GRM8: variants seen among roughly 807,000 people sequenced by gnomAD.
The protein encoded by GRM8 is glutamate metabotropic receptor 8.
Under a neutral mutation model 87.2 loss-of-function variants are expected in GRM8, and 47 were observed. The ratio of observed to expected loss-of-function variants is 0.54; its 90% CI spans 0.43 to 0.69. The LOEUF is 0.69. GRM8 is among the 30% of genes least tolerant of loss of function. GRM8 has a pLI of 0.00. For missense variants in GRM8, 1,019 were observed against 1,139.2 expected, an observed-to-expected ratio of 0.89 and a Z score of 1.52; for synonymous variants, 396 against 404.5, an observed-to-expected ratio of 0.98 and a Z score of 0.25.
intron 7 of GRM8, among the ~76,000 whole-genome samples, chr7:126,618,107 C>T (rs1180843629): frequency 9.2e-5 from 14 of 152,250 alleles, no homozygotes; most frequent in South Asian, 4.2e-4. Flanking sequence ...GGAGGCATCA[C>T]GCTACCTGAC....
rs145569824 is a variant in GRM8, at chr7:126,602,728, T to G, written c.1494+6634A>C. Among the ~76,000 whole-genome samples, 27 of 152,038 alleles carry G rather than the reference T, an allele frequency of 1.8e-4. No homozygotes were observed. In the East Asian group the frequency reaches 5.2e-3, roughly 29 times the overall value. On this transcript the variant is annotated intron_variant, in intron 8 of 10. Coordinates refer to ENST00000339582, the MANE Select transcript of GRM8 (RefSeq NM_000845.3). Reference sequence around the variant, plus strand: ...TGGGAGTTCACTCATGATTTGGCTCTCTGTTTGTCTGTTGATAGTTTACCA... The same window carrying G: ...TGGGAGTTCACTCATGATTTGGCTCGCTGTTTGTCTGTTGATAGTTTACCA...
chr7:126,760,459 TCG>T (rs1452317612), intron 7 of GRM8, among the ~76,000 whole-genome samples: 4 of 152,140 alleles, frequency 2.6e-5, no homozygotes, highest in African/African-American at 9.7e-5. Flanking sequence ...AACACCTCAC[TCG>T]GTTAGAAAAC....
intron 2 of GRM8, among the ~76,000 whole-genome samples, chr7:127,220,058 C>A (rs900047848): frequency 1.3e-5 from 2 of 152,198 alleles, no homozygotes; most frequent in African/African-American, 2.4e-5. Flanking sequence ...AGAAACTGAG[C>A]AAAACATTGA....
rs75893698 is a variant in GRM8 at position 126,622,001 on chromosome 7, C to T, written c.1358-12503G>A. Among the ~76,000 whole-genome samples the T allele has an allele frequency of 5.1e-4, 78 of 152,226 alleles. 2 individuals carry two copies. The East Asian group carries it at 0.013, about 25-fold the overall frequency. ...CTAGGGAATACCCTCTATTCTCTTG[C>T]GCTTCTCTCTGTCCAGTGAATTGCT... On this transcript the variant is annotated intron_variant, in intron 7 of 10. Coordinates refer to ENST00000339582, the MANE Select transcript of GRM8 (RefSeq NM_000845.3).
chr7:126,981,458 T>C (rs898612916), intron 3 of GRM8: 1 of 152,222 alleles, frequency 6.6e-6, no homozygotes, highest in African/African-American at 2.4e-5. Flanking sequence ...GTGGACACTC[T>C]CTACAGTCCT....
At chr7:126,586,669 C>T (rs1292972571) in intron 8 of GRM8, among the ~76,000 whole-genome samples, 1 of 152,104 alleles carries the variant, frequency 6.6e-6, no homozygotes, top group East Asian at 1.9e-4. Flanking sequence ...ATACCTTATA[C>T]AAAAATTAAA....
rs563244381 is a variant in GRM8, at chr7:126,805,564, A to T, written c.1157-35499T>A. Reference sequence around the variant, plus strand: ...CTGTTTCTGTCCCTAGGTTTCAATCAGGTGCAGTACCCATGGATACCTCTT... The same window carrying T: ...CTGTTTCTGTCCCTAGGTTTCAATCTGGTGCAGTACCCATGGATACCTCTT... On this transcript the variant is annotated intron_variant, in intron 6 of 10. Coordinates refer to ENST00000339582, the MANE Select transcript of GRM8 (RefSeq NM_000845.3). Among the ~76,000 whole-genome samples the T allele has an allele frequency of 3.9e-5, 6 of 152,274 alleles. No homozygotes were observed. The East Asian group carries it at 1.2e-3, about 29-fold the overall frequency.
In GRM8 at chr7:127,171,884, T is replaced by C. The variant is rs557546615; in HGVS notation, c.511-65172A>G. 4.6e-5 allele frequency among the ~76,000 whole-genome samples: 7 copies of C among 152,310 alleles called. No homozygotes were observed. The East Asian group carries it at 1.4e-3, about 29-fold the overall frequency. ...AGCTGACTCCAGACACATGCAGTCTTGGACACACACATATGTGTTCCATAA... is the reference window on the plus strand; with the variant it reads ...AGCTGACTCCAGACACATGCAGTCTCGGACACACACATATGTGTTCCATAA... On this transcript the variant is annotated intron_variant, in intron 2 of 10. Coordinates refer to ENST00000339582, the MANE Select transcript of GRM8 (RefSeq NM_000845.3).
chr7:126,802,570 T>G (rs1028190386), intron 6 of GRM8, among the ~76,000 whole-genome samples: 1 of 152,118 alleles, frequency 6.6e-6, no homozygotes, highest in South Asian at 2.1e-4. Context: ...TGAAATAACA[T>G]AGTTGAGCCT....
At chr7:126,599,690 C>T (rs1797549999) in intron 8 of GRM8, among the ~76,000 whole-genome samples, 1 of 152,080 alleles carries the variant, frequency 6.6e-6, no homozygotes, top group Non-Finnish European at 1.5e-5. Context: ...AGCCTCCAGA[C>T]CAAGAGAGAA....
Position 127,252,807 on chromosome 7 carries a change from G to A in GRM8, c.-322C>T, listed in dbSNP as rs1362259145. On this transcript the variant is annotated 5_prime_UTR_variant, in exon 1 of 11. Coordinates refer to ENST00000339582, the MANE Select transcript of GRM8 (RefSeq NM_000845.3). This position sits in a 1 kb window ranked among gnomAD's most constrained non-coding sequence, Gnocchi z 4.9. ...GGCGGCGAGTCTTACCCTGCTCCCC[G>A]CAGAGGGCGCGGTGAGGAAGCCCGC... 1 of 194,838 alleles carries A rather than the reference G, an allele frequency of 5.1e-6. No individual in the cohort carries two copies. 12.1% of individuals were successfully genotyped at this position (194,838 alleles called of 1,614,324 possible).
intron 6 of GRM8, among the ~76,000 whole-genome samples, chr7:126,805,319 G>A (rs1340287972): frequency 6.6e-6 from 1 of 152,156 alleles, no homozygotes; most frequent in Non-Finnish European, 1.5e-5. Flanking sequence ...TGGCAATAAT[G>A]TCCAATCAGA....
At chr7:126,624,455 A>C (rs1800471991) in intron 7 of GRM8, among the ~76,000 whole-genome samples, 1 of 152,198 alleles carries the variant, frequency 6.6e-6, no homozygotes, top group Non-Finnish European at 1.5e-5. Flanking sequence ...TATCTAATTT[A>C]GCCTGATTTC....
At chr7:126,683,067 C>CA (rs981859161) in intron 7 of GRM8, among the ~76,000 whole-genome samples, 10 of 151,646 alleles carry the variant, frequency 6.6e-5, no homozygotes, top group Non-Finnish European at 1.2e-4. Flanking sequence ...CAAAACAAAA[C>CA]AAAAAAAAGT....
chr7:127,015,670 T>C (rs1380885770), intron 3 of GRM8, among the ~76,000 whole-genome samples: 1 of 152,106 alleles, frequency 6.6e-6, no homozygotes, highest in East Asian at 1.9e-4. Context: ...TCTACCTCCA[T>C]AAAATGATAA....
chr7:126,952,381 A>C (rs1383949679), intron 3 of GRM8, among the ~76,000 whole-genome samples: 1 of 152,036 alleles, frequency 6.6e-6, no homozygotes, highest in Non-Finnish European at 1.5e-5. Context: ...AGAAAGAAGG[A>C]AGTGGAAAAT....
At chr7:126,875,295 C>T (rs1291956393) in intron 6 of GRM8, among the ~76,000 whole-genome samples, 1 of 148,836 alleles carries the variant, frequency 6.7e-6, no homozygotes, top group Non-Finnish European at 1.5e-5. Context: ...AAAAAACAAA[C>T]AGAATAAACT....
intron 3 of GRM8, among the ~76,000 whole-genome samples, chr7:126,956,768 T>C (rs1279369278): frequency 2.0e-5 from 3 of 152,212 alleles, no homozygotes; most frequent in South Asian, 2.1e-4. Flanking sequence ...AAGAGATCAA[T>C]AGCTTGTGAT....
intron 3 of GRM8, among the ~76,000 whole-genome samples, chr7:126,952,063 T>C (rs1808223334): frequency 6.6e-6 from 1 of 151,678 alleles, no homozygotes; most frequent in South Asian, 2.1e-4. Flanking sequence ...GGACAAGTGA[T>C]TGATTTCAGG....
Sources: allele counts gnomAD v4.1 joint callset (sites outside exome capture counted in the v4.1 genomes callset), GRCh38; gene constraint gnomAD v4.1.1; non-coding constraint Gnocchi (gnomAD v3.1); transcripts MANE v1.5; gene names NCBI Gene and HGNC (gene_info 2026-07-23, HGNC 2026-07-21).